The following ACACB variants were observed in gnomAD, a reference collection of about 807,000 sequenced individuals.
ACACB encodes acetyl-CoA carboxylase beta.
In ACACB, 209 loss-of-function variants were observed where a neutral mutation model predicts 278.8. The ratio of observed to expected loss-of-function variants is 0.75; its 90% CI spans 0.67 to 0.84. The LOEUF (loss-of-function observed/expected upper bound fraction) is 0.84, where lower values mean the gene tolerates loss of function less well. Ranked by LOEUF, ACACB falls within the 40% of genes least tolerant of loss-of-function variation. The probability of loss-of-function intolerance (pLI) is 0.00; values close to 1 mark genes in which losing one functional copy is unlikely to be tolerated. For synonymous variants in ACACB, 1,174 were observed against 1,285.6 expected, an observed-to-expected ratio of 0.91 and a Z score of 1.86; for missense variants, 2,850 against 3,269.0, an observed-to-expected ratio of 0.87 and a Z score of 3.13.
chr12:109,252,785 G>A (rs2047129749), intron 42 of ACACB, among the ~76,000 whole-genome samples: 1 of 152,146 alleles, frequency 6.6e-6, no homozygotes, highest in South Asian at 2.1e-4. Flanking sequence ...TCTCAAATTG[G>A]CCTGCATATT....
chr12:109,209,177 G>T lies in ACACB; in HGVS notation c.3073G>T (p.Val1025Leu). The change falls in exon 21 of 53, where the codon GTG (valine) becomes TTG (leucine). Residue 1025 changes from valine to leucine, a missense_variant. Val to Leu is a conservative substitution (Grantham distance 32). Coordinates refer to ENST00000338432, the MANE Select transcript of ACACB (RefSeq NM_001093.4). ...PVFSIKLKEW[V>L]QKLMMTLRHP... Reference sequence around the variant, plus strand: ...GTCCCCGCTTCAGCTGAAGGAGTGGGTGCAGAAGCTCATGATGACCCTCCG... The same window carrying T: ...GTCCCCGCTTCAGCTGAAGGAGTGGTTGCAGAAGCTCATGATGACCCTCCG... 2 of 1,601,746 alleles carry T rather than the reference G, an allele frequency of 1.2e-6. No individual in the cohort carries two copies. The highest frequency in any genetic ancestry group is 1.7e-6 in the Non-Finnish European group (2 of 1,175,172).
chr12:109,221,825 G>C (rs749213210), intron 24 of ACACB, among the ~76,000 whole-genome samples: 1 of 151,382 alleles, frequency 6.6e-6, no homozygotes, highest in East Asian at 1.9e-4. Context: ...TATATAAAGG[G>C]TCTAGCTGTT....
At chr12:109,166,678 C>CAAAAAA (rs1491297525) in intron 2 of ACACB, among the ~76,000 whole-genome samples, 183 bp from the exon 3 acceptor site, 2 of 68,186 alleles carry the variant, frequency 2.9e-5, no homozygotes, top group Non-Finnish European at 5.6e-5. Flanking sequence ...AAAAAAAAAA[C>CAAAAAA]CGAAGGTGCT....
At chr12:109,210,156 CGT>C (rs1491353570) in intron 21 of ACACB, among the ~76,000 whole-genome samples, 1 of 45,096 alleles carries the variant, frequency 2.2e-5, no homozygotes, top group Non-Finnish European at 4.2e-5. Context: ...TATATACACA[CGT>C]GTGTATATGT....
intron 42 of ACACB, 28 bp from the exon 43 acceptor site, chr12:109,252,987 C>G (rs771640656): frequency 6.3e-7 from 1 of 1,582,852 alleles, no homozygotes; most frequent in African/African-American, 1.3e-5. Flanking sequence ...CCGTGCAGGA[C>G]ATTGCTAACC....
chr12:109,204,801 A>T (rs1383954398), intron 19 of ACACB, among the ~76,000 whole-genome samples: 1 of 152,106 alleles, frequency 6.6e-6, no homozygotes, highest in Admixed American at 6.6e-5. Flanking sequence ...CTCCAGTTCC[A>T]TCCATGTTGC....
chr12:109,188,108 A>G lies in ACACB; in HGVS notation c.2090A>G (p.Asp697Gly). The G allele has an allele frequency of 1.9e-6, 3 of 1,613,052 alleles. No homozygotes were observed. The highest frequency in any genetic ancestry group is 2.5e-6 in the Non-Finnish European group (3 of 1,179,122). The part of the protein sequence containing the change: ...AATGGLHEFA[D>G]SQFGHCFSWG... ...ACTGGAGGCCTGCACGAGTTTGCGGATTCCCAATTTGGGCACTGCTTCTCC... is the reference window on the plus strand; with the variant it reads ...ACTGGAGGCCTGCACGAGTTTGCGGGTTCCCAATTTGGGCACTGCTTCTCC... Residue 697 changes from aspartate (D) to glycine (G), a missense_variant, in exon 13 of 53, where the codon GAT (aspartate) becomes GGT (glycine). Asp to Gly is a moderately conservative substitution (Grantham distance 94). This residue lies in a region of ACACB where 2,265 missense variants were observed against 2,561.3 expected (regional missense o/e 0.88). Transcript: ENST00000338432.
intron 2 of ACACB, among the ~76,000 whole-genome samples, chr12:109,150,050 C>A (rs568685511): frequency 6.6e-6 from 1 of 152,294 alleles, no homozygotes; most frequent in East Asian, 1.9e-4. Context: ...GGGTTGGGAT[C>A]AGGCTTCATT....
chr12:109,182,330 A>T (rs2044504648), intron 11 of ACACB, among the ~76,000 whole-genome samples: 4 of 151,868 alleles, frequency 2.6e-5, no homozygotes, highest in Non-Finnish European at 4.4e-5. Context: ...TCTGTTTTTA[A>T]TTGGATTCAT....
rs556697138 is a variant in ACACB, at chr12:109,172,272, C to T, written c.1036-3C>T. ...TGTTGCTCACCCCTTTCTGTGTTTG[C>T]AGGCGGTGTGGGCTGGCTGGGGCCA... On this transcript the variant is annotated splice_polypyrimidine_tract_variant and splice_region_variant and intron_variant, in intron 5 of 52. Coordinates refer to ENST00000338432, the MANE Select transcript of ACACB (RefSeq NM_001093.4). 1 of 1,613,434 alleles carries T rather than the reference C, an allele frequency of 6.2e-7. No homozygotes were observed. Among genetic ancestry groups the T allele is most frequent in the Non-Finnish European group, 8.5e-7 (1 of 1,179,842 alleles).
At chr12:109,111,468 C>T in the ACACB span, 1 of 152,154 alleles carries the variant, frequency 6.6e-6, no homozygotes, top group African/African-American at 2.4e-5. Flanking sequence ...GCAGCCCAGG[C>T]TCAGGTAGTG....
intron 7 of ACACB, 66 bp from the exon 8 acceptor site, chr12:109,175,865 T>C (rs1237165989): frequency 1.1e-5 from 16 of 1,402,484 alleles, no homozygotes; most frequent in South Asian, 8.2e-5. Context: ...AGAGGCGCTG[T>C]GGTTTCTGGG....
intron 11 of ACACB, among the ~76,000 whole-genome samples, chr12:109,180,817 T>C (rs1200058729): frequency 6.6e-6 from 1 of 152,200 alleles, no homozygotes; most frequent in African/African-American, 2.4e-5. Flanking sequence ...TATGGTGTTA[T>C]GAATATTCCA....
chr12:109,193,815 G>T, intron 16 of ACACB, 86 bp downstream of exon 16: 1 of 1,244,142 alleles, frequency 8.0e-7, no homozygotes, highest in Non-Finnish European at 1.2e-6. Flanking sequence ...CCCTGGAGTG[G>T]ATTTGCTCAT....
At chr12:109,208,911 T>TC (rs1323123075) in intron 20 of ACACB, among the ~76,000 whole-genome samples, 8 of 152,146 alleles carry the variant, frequency 5.3e-5, no homozygotes, top group East Asian at 1.9e-4. Context: ...TTATGTTTGA[T>TC]CCCCCACACC....
At chr12:109,235,584 G>T (rs2046610674) in intron 32 of ACACB, 22 bp from the exon 33 acceptor site, 3 of 1,608,584 alleles carry the variant, frequency 1.9e-6, no homozygotes, top group Non-Finnish European at 2.6e-6. Flanking sequence ...TAATTGTCTT[G>T]TGTGTGGATT....
At chr12:109,187,683 C>T (rs1417899137) in intron 12 of ACACB, among the ~76,000 whole-genome samples, 1 of 151,924 alleles carries the variant, frequency 6.6e-6, no homozygotes, top group Non-Finnish European at 1.5e-5. Flanking sequence ...TGGTTTTGAA[C>T]TCCTGGGCTC....
chr12:109,227,621 C>A lies in ACACB; in HGVS notation c.4001+132C>A, dbSNP rs144684384. 3 of 786,732 alleles carry A rather than the reference C, an allele frequency of 3.8e-6. No homozygotes were observed. The East Asian group carries it at 7.7e-5, about 20-fold the overall frequency. The allele number at this position is 786,732 out of a possible 1,614,324, so 48.7% of individuals were successfully genotyped here. On this transcript the variant is annotated intron_variant, in intron 28 of 52. Coordinates refer to ENST00000338432, the MANE Select transcript of ACACB (RefSeq NM_001093.4). ...GGAGACATCAGCGATAAGCACTTCC[C>A]CTGTGGGAGCTCCCTGCAGCGCCAT...
At chr12:109,225,328 G>A (rs2046284836) in intron 27 of ACACB, among the ~76,000 whole-genome samples, 1 of 152,158 alleles carries the variant, frequency 6.6e-6, no homozygotes, top group African/African-American at 2.4e-5. Flanking sequence ...TGCTGTTTGT[G>A]TCAATTAGAG....
Sources: allele counts gnomAD v4.1 joint callset (sites outside exome capture counted in the v4.1 genomes callset), GRCh38; gene constraint gnomAD v4.1.1; regional missense constraint gnomAD v4.1.1; transcripts MANE v1.5; gene names NCBI Gene and HGNC (gene_info 2026-07-23, HGNC 2026-07-21).